The following CENPP variants were observed in gnomAD, a reference collection of about 807,000 sequenced individuals.
CENPP encodes centromere protein P.
Under a neutral mutation model 35.6 loss-of-function variants are expected in CENPP, and 24 were observed. The observed-to-expected ratio is 0.67, with a 90% confidence interval of 0.49 to 0.95. The LOEUF is 0.95. Among genes scored for constraint, CENPP ranks in the 40% least tolerant of loss-of-function variants. CENPP has a pLI of 0.00. For synonymous variants in CENPP, 120 were observed against 125.5 expected (o/e 0.96, Z 0.29); for missense variants, 332 against 345.3 (o/e 0.96, Z 0.31).
At chr9:92,424,364 A>G (rs115308239) in intron 5 of CENPP, 259 of 152,282 alleles carry the variant, frequency 1.7e-3, no homozygotes, top group African/African-American at 5.7e-3. Context: ...AGCAAATACA[A>G]TCTTCTTGGA....
chr9:92,338,669 A>G (rs1482354208), intron 3 of CENPP, among the ~76,000 whole-genome samples: 2 of 152,016 alleles, frequency 1.3e-5, no homozygotes, highest in Admixed American at 6.6e-5. Flanking sequence ...ATGTGGAACC[A>G]CAGATAGGGA....
In CENPP at chr9:92,584,988, G is replaced by A. The variant is rs1308954303; in HGVS notation, c.565-26326G>A. Among the ~76,000 whole-genome samples, 2 of 152,194 alleles carry A rather than the reference G, an allele frequency of 1.3e-5. 1 individual carries two copies. Among genetic ancestry groups the A allele is most frequent in the African/African-American group, 4.8e-5 (2 of 41,454 alleles). ...GTTATATAGTTGTTTCAGTGCTTCA[G>A]TATTTAGTTGAAGCAACAAATATAT... is the stretch of plus-strand genomic sequence containing the variant. On this transcript the variant is annotated intron_variant, in intron 5 of 7. Transcript: ENST00000375587.
At chr9:92,381,228 A>G (rs184975542) in intron 5 of CENPP, among the ~76,000 whole-genome samples, 1 of 151,262 alleles carries the variant, frequency 6.6e-6, no homozygotes, top group East Asian at 1.9e-4. Context: ...GTGTCTTTTC[A>G]CTTAGCATAA....
At chr9:92,575,136 A>G (rs1380905924) in intron 5 of CENPP, among the ~76,000 whole-genome samples, 3 of 152,250 alleles carry the variant, frequency 2.0e-5, no homozygotes, top group Non-Finnish European at 4.4e-5. Context: ...GCTTCACTAC[A>G]TTGGATTTGG....
At chr9:92,539,227 G>C (rs1849258789) in intron 5 of CENPP, 1 of 152,146 alleles carries the variant, frequency 6.6e-6, no homozygotes, top group African/African-American at 2.4e-5. Context: ...GCATTAGACT[G>C]TAAATCTAAG....
At chr9:92,474,853 G>T in intron 5 of CENPP, 1 of 1,613,826 alleles carries the variant, frequency 6.2e-7, no homozygotes, top group South Asian at 1.1e-5. Flanking sequence ...AGAAGGGTTT[G>T]GCAGAGCACA....
chr9:92,398,866 A>G (rs569395924), intron 5 of CENPP, among the ~76,000 whole-genome samples: 1 of 152,270 alleles, frequency 6.6e-6, no homozygotes, highest in African/African-American at 2.4e-5. Flanking sequence ...GTTCAAGACC[A>G]GCCTGACCAA....
chr9:92,610,005 G>A (rs1851192202), intron 5 of CENPP, among the ~76,000 whole-genome samples: 1 of 152,032 alleles, frequency 6.6e-6, no homozygotes, highest in African/African-American at 2.4e-5. Flanking sequence ...CCAAAATGCT[G>A]AGATTACAGG....
intron 5 of CENPP, among the ~76,000 whole-genome samples, chr9:92,437,042 A>G (rs1844262168): frequency 6.6e-6 from 1 of 152,128 alleles, no homozygotes; most frequent in Admixed American, 6.6e-5. Context: ...TCTGCTAAAA[A>G]TACAAAAAAA....
chr9:92,474,005 T>A (rs1845619011), intron 5 of CENPP, among the ~76,000 whole-genome samples: 1 of 152,224 alleles, frequency 6.6e-6, no homozygotes, highest in African/African-American at 2.4e-5. Context: ...AGGCAACAAC[T>A]CTTGATATGC....
At chr9:92,552,989 C>G (rs2131330776) in intron 5 of CENPP, among the ~76,000 whole-genome samples, 1 of 151,170 alleles carries the variant, frequency 6.6e-6, no homozygotes, top group African/African-American at 2.4e-5. Flanking sequence ...TTTTTTTAAG[C>G]CAATGTCTAG....
chr9:92,582,896 C>A (rs571122158), intron 5 of CENPP, among the ~76,000 whole-genome samples: 1 of 152,278 alleles, frequency 6.6e-6, no homozygotes, highest in Non-Finnish European at 1.5e-5. Flanking sequence ...TCTTCAGATT[C>A]TCTATCTTGC....
chr9:92,458,337 C>T (rs960938304), intron 5 of CENPP, among the ~76,000 whole-genome samples: 2 of 152,164 alleles, frequency 1.3e-5, no homozygotes, highest in African/African-American at 2.4e-5. Context: ...GAGCAGAAGT[C>T]TTTTGCTGGC....
At position 92,616,868 on chromosome 9, in the gene CENPP, A is replaced by G. The variant is rs1851456327; in HGVS notation, c.*3719A>G. The G allele has an allele frequency of 6.6e-6, 1 of 152,234 alleles. No homozygotes were observed. The highest frequency in any genetic ancestry group is 2.4e-5 in the African/African-American group (1 of 41,460). 9.4% of individuals were successfully genotyped at this position (152,234 alleles called of 1,614,324 possible). A position where few individuals can be genotyped will look rare whatever the true frequency, so the allele number is the denominator to read the frequency against. ...CCTAAGCTCAGTTCAGTCCAAGAGA[A>G]GTATCCTGGGTTCTGGTGTCCCAAT... On this transcript the variant is annotated 3_prime_UTR_variant, in exon 8 of 8. Coordinates refer to ENST00000375587, the MANE Select transcript of CENPP (RefSeq NM_001012267.3).
chr9:92,429,775 G>A (rs760858779), intron 5 of CENPP, among the ~76,000 whole-genome samples: 7 of 147,570 alleles, frequency 4.7e-5, no homozygotes, highest in Non-Finnish European at 1.0e-4. Flanking sequence ...TGACAAGAAC[G>A]AAACTCCGTC....
At position 92,491,239 on chromosome 9, in the gene CENPP, G is replaced by C. The variant is rs117698190; in HGVS notation, c.564+111380G>C. ...AGGACCTAACTAATAACACTAAAGA[G>C]ATAATCACTACAGACCTACCTAATA... On this transcript the variant is annotated intron_variant, in intron 5 of 7. Coordinates refer to ENST00000375587, the MANE Select transcript of CENPP (RefSeq NM_001012267.3). Among the ~76,000 whole-genome samples the C allele has an allele frequency of 7.0e-4, 106 of 152,250 alleles. No individual in the cohort carries two copies. The East Asian group carries it at 0.019, about 27-fold the overall frequency.
chr9:92,544,712 ATTTT>A (rs150281438), intron 5 of CENPP, among the ~76,000 whole-genome samples: 15,075 of 132,410 alleles, frequency 0.11, 847 homozygotes, highest in Middle Eastern at 0.14. Context: ...ATCACTATAA[ATTTT>A]TTTTTTTTTT....
chr9:92,554,331 G>A (rs550115845), intron 5 of CENPP, among the ~76,000 whole-genome samples: 2 of 151,980 alleles, frequency 1.3e-5, no homozygotes, highest in African/African-American at 4.8e-5. Flanking sequence ...TTACAGGCAC[G>A]TGCCACCACT....
At chr9:92,546,612 A>G (rs1849460546) in intron 5 of CENPP, among the ~76,000 whole-genome samples, 1 of 152,092 alleles carries the variant, frequency 6.6e-6, no homozygotes, top group Non-Finnish European at 1.5e-5. Flanking sequence ...CTCCGAACAC[A>G]CTGGAACACC....
Sources: allele counts gnomAD v4.1 joint callset (sites outside exome capture counted in the v4.1 genomes callset), GRCh38; gene constraint gnomAD v4.1.1; transcripts MANE v1.5; gene names NCBI Gene and HGNC (gene_info 2026-07-23, HGNC 2026-07-21).